CLEC16A: variants seen among roughly 807,000 people sequenced by gnomAD.
CLEC16A encodes the protein C-type lectin domain containing 16A, also known as protein CLEC16A.
A neutral mutation model predicts 109.5 loss-of-function variants in CLEC16A; 51 were observed. That is an observed-to-expected ratio of 0.47 (90% CI 0.37 to 0.59). The LOEUF is 0.59. Ranked by LOEUF, CLEC16A falls within the 20% of genes least tolerant of loss-of-function variation. CLEC16A has a pLI of 0.00. For missense variants in CLEC16A, 1,339 were observed against 1,394.0 expected, an observed-to-expected ratio of 0.96 and a Z score of 0.63; for synonymous variants, 673 against 564.2, an observed-to-expected ratio of 1.19 and a Z score of -2.73.
At position 11,061,034 on chromosome 16, in the gene CLEC16A, G is replaced by A; in HGVS notation, c.2116+12G>A. On this transcript the variant is annotated intron_variant, in intron 19 of 23. Coordinates refer to ENST00000409790, the MANE Select transcript of CLEC16A (RefSeq NM_015226.3). ...TGTCCTGGATCTGAGTGAGTTGGCT[G>A]CTCTGAGTCACAGCAGGGGGCTGGG... is the stretch of plus-strand genomic sequence containing the variant. 1.3e-6 allele frequency: 2 copies of A among 1,597,814 alleles called. No homozygotes were observed. Among genetic ancestry groups the A allele is most frequent in the Admixed American group, 1.7e-5 (1 of 58,988 alleles).
At chr16:11,046,031 C>T (rs368632491) in intron 16 of CLEC16A, among the ~76,000 whole-genome samples, 4 of 152,086 alleles carry the variant, frequency 2.6e-5, no homozygotes, top group Admixed American at 6.5e-5. Context: ...CATCCCAAAC[C>T]GCACTTGGCC....
chr16:11,164,671 C>G (rs886396625), intron 22 of CLEC16A, among the ~76,000 whole-genome samples: 1 of 152,260 alleles, frequency 6.6e-6, no homozygotes, highest in Non-Finnish European at 1.5e-5. Context: ...CATGTGGTCG[C>G]TATGGCAACT....
chr16:11,107,017 C>T (rs1567326618), intron 19 of CLEC16A, among the ~76,000 whole-genome samples: 1 of 152,142 alleles, frequency 6.6e-6, no homozygotes, highest in Non-Finnish European at 1.5e-5. Flanking sequence ...GTTTTCTTAA[C>T]AGTGCTCTGC....
At position 10,971,243 on chromosome 16, in the gene CLEC16A, A is replaced by AT; in HGVS notation, c.598+14dup. 6.3e-7 allele frequency: 1 copy of AT among 1,577,206 alleles called. No homozygotes were observed. The highest frequency in any genetic ancestry group is 2.2e-5 in the East Asian group (1 of 44,634). ...AATGTCTATAAAGGTAAGTGTCCTCATGGGCTTGTGTCTCGGCTGATTTCT... is the reference window on the plus strand; with the variant it reads ...AATGTCTATAAAGGTAAGTGTCCTCATTGGGCTTGTGTCTCGGCTGATTTCT... On this transcript the variant is annotated intron_variant, in intron 5 of 23. Transcript: ENST00000409790.
At position 11,051,634 on chromosome 16, in the gene CLEC16A, C is replaced by A. The variant is rs1262220315; in HGVS notation, c.1988C>A (p.Thr663Asn). ...KRLPCGDVEK[T>N]RRAIRVFFML... ...CTGCCGTGTGGCGATGTGGAGAAGA[C>A]CCGGCGGGTGAGTGAGCACAGGACC... The change falls in exon 18 of 24, where the codon ACC (threonine) becomes AAC (asparagine). Residue 663 changes from threonine (T) to asparagine (N), a missense_variant. This residue lies in a region of CLEC16A where 1,061 missense variants were observed against 1,006.8 expected (regional missense o/e 1.05). Transcript: ENST00000409790. 6.2e-7 allele frequency: 1 copy of A among 1,613,924 alleles called. No individual in the cohort carries two copies. Among genetic ancestry groups the A allele is most frequent in the Non-Finnish European group, 8.5e-7 (1 of 1,179,784 alleles).
At chr16:11,149,843 C>T (rs1056769422) in intron 22 of CLEC16A, 2 of 151,884 alleles carry the variant, frequency 1.3e-5, no homozygotes, top group Non-Finnish European at 2.9e-5. Flanking sequence ...CATCAGTTAC[C>T]ACCCTTCCTC....
intron 1 of CLEC16A, among the ~76,000 whole-genome samples, chr16:10,949,871 C>T (rs2041633498): frequency 6.6e-6 from 1 of 152,110 alleles, no homozygotes; most frequent in South Asian, 2.1e-4. Flanking sequence ...TGTTGGTGGT[C>T]CACTCACACA....
chr16:11,065,288 G>C (rs2048701259), intron 19 of CLEC16A, among the ~76,000 whole-genome samples: 1 of 152,202 alleles, frequency 6.6e-6, no homozygotes, highest in South Asian at 2.1e-4. Context: ...ACACCCCAAA[G>C]AGACACCTGG....
intron 19 of CLEC16A, among the ~76,000 whole-genome samples, chr16:11,074,386 T>C (rs1200892186): frequency 1.3e-5 from 2 of 152,252 alleles, no homozygotes; most frequent in African/African-American, 2.4e-5. Flanking sequence ...AAATGAAATT[T>C]GTATCCTATA....
chr16:11,086,744 T>C (rs1233552457), intron 19 of CLEC16A, among the ~76,000 whole-genome samples: 3 of 152,146 alleles, frequency 2.0e-5, no homozygotes, highest in African/African-American at 7.2e-5. Flanking sequence ...TGTTTCACCA[T>C]GTTGTCCAGG....
At chr16:11,158,348 C>T (rs2054606647) in intron 22 of CLEC16A, among the ~76,000 whole-genome samples, 2 of 152,180 alleles carry the variant, frequency 1.3e-5, no homozygotes, top group South Asian at 4.1e-4. Context: ...GTGGAAAATG[C>T]ACGGGTTGCT....
chr16:11,041,215 A>G (rs1295509484), intron 14 of CLEC16A: 6 of 152,182 alleles, frequency 3.9e-5, no homozygotes, highest in Non-Finnish European at 1.5e-5. Flanking sequence ...TCCAGCACTC[A>G]TTGCAATAGG....
intron 22 of CLEC16A, among the ~76,000 whole-genome samples, chr16:11,137,714 C>G (rs987273068): frequency 2.0e-5 from 3 of 151,472 alleles, no homozygotes; most frequent in Non-Finnish European, 4.4e-5. Flanking sequence ...GAGGCTGAGG[C>G]AGGAGAATTG....
chr16:11,096,105 C>T (rs1055809314), intron 19 of CLEC16A, among the ~76,000 whole-genome samples: 8 of 151,790 alleles, frequency 5.3e-5, no homozygotes, highest in Admixed American at 2.6e-4. Flanking sequence ...GAGGCTGAGG[C>T]GAGGGTTGTG....
intron 2 of CLEC16A, among the ~76,000 whole-genome samples, chr16:10,959,159 C>T (rs1274051642): frequency 6.6e-6 from 1 of 152,028 alleles, no homozygotes; most frequent in East Asian, 1.9e-4. Context: ...AAGGATATTA[C>T]CTTTTCATGG....
At chr16:11,010,226 G>A (rs927252346) in intron 11 of CLEC16A, among the ~76,000 whole-genome samples, 1 of 151,092 alleles carries the variant, frequency 6.6e-6, no homozygotes, top group African/African-American at 2.4e-5. Flanking sequence ...GGGTGGGTGG[G>A]GGAGCCTGCA....
chr16:11,172,478 G>A (rs2068563496), intron 23 of CLEC16A, among the ~76,000 whole-genome samples: 1 of 152,226 alleles, frequency 6.6e-6, no homozygotes, highest in African/African-American at 2.4e-5. Flanking sequence ...GAACTACCTT[G>A]GGGAAGACAG....
At chr16:11,030,701 A>T (rs113445040) in intron 13 of CLEC16A, among the ~76,000 whole-genome samples, 171 of 152,280 alleles carry the variant, frequency 1.1e-3, no homozygotes, top group African/African-American at 3.8e-3. Flanking sequence ...CCAGAATGCA[A>T]TGGTGCAATC....
In CLEC16A at chr16:11,129,061, TCCCCCAACCCCAAGCTCACTCTA is replaced by T. The variant is rs2053021159; in HGVS notation, c.2641+2916_2641+2938del. ...CCCCAACTGGCCTCTCAGATGAAGT[TCCCCCAACCCCAAGCTCACTCTA>T]GCCCCAACCCCAGCCTTGCCAGCCC... On this transcript the variant is annotated intron_variant, in intron 22 of 23. Transcript: ENST00000409790. 2.0e-5 allele frequency among the ~76,000 whole-genome samples: 3 copies of T among 151,968 alleles called. No individual in the cohort carries two copies. In the South Asian group the frequency reaches 6.2e-4, roughly 32 times the overall value.
Sources: allele counts gnomAD v4.1 joint callset (sites outside exome capture counted in the v4.1 genomes callset), GRCh38; gene constraint gnomAD v4.1.1; regional missense constraint gnomAD v4.1.1; transcripts MANE v1.5; gene names NCBI Gene and HGNC (gene_info 2026-07-23, HGNC 2026-07-21).